The following PATJ variants were observed in gnomAD, a reference collection of about 807,000 sequenced individuals.
PATJ encodes the protein inaD-like protein.
In PATJ, 190 loss-of-function variants were observed where a neutral mutation model predicts 224.9. That is an observed-to-expected ratio of 0.84 (90% CI 0.75 to 0.95). PATJ has a LOEUF of 0.95. Among genes scored for constraint, PATJ ranks in the 40% least tolerant of loss-of-function variants. PATJ has a pLI of 0.00. For synonymous variants in PATJ, 769 were observed against 820.3 expected (o/e 0.94, Z 1.07); for missense variants, 2,121 against 2,270.3 (o/e 0.93, Z 1.34).
intron 16 of PATJ, among the ~76,000 whole-genome samples, chr1:61,828,572 C>T (rs1376034751): frequency 6.6e-6 from 1 of 151,516 alleles, no homozygotes; most frequent in Admixed American, 6.6e-5. Flanking sequence ...AAATTTTTTT[C>T]GTACAGTCAG....
chr1:61,978,132 T>C (rs956138974), intron 27 of PATJ, among the ~76,000 whole-genome samples: 1 of 151,936 alleles, frequency 6.6e-6, no homozygotes, highest in African/African-American at 2.4e-5. Context: ...TGTTTATGGT[T>C]GATGTTGTTC....
At chr1:61,917,313 C>T (rs546042285) in intron 26 of PATJ, among the ~76,000 whole-genome samples, 1 of 152,074 alleles carries the variant, frequency 6.6e-6, no homozygotes, top group African/African-American at 2.4e-5. Context: ...TCTTTCACTG[C>T]CATAGTTTTC....
At chr1:62,026,518 T>C (rs529427050) in intron 29 of PATJ, among the ~76,000 whole-genome samples, 4 of 151,140 alleles carry the variant, frequency 2.6e-5, no homozygotes, top group Non-Finnish European at 5.9e-5. Context: ...ACCTAAATGA[T>C]GTACCAGGCA....
chr1:61,766,258 C>T (rs56221834), intron 3 of PATJ, 21 bp from the exon 4 acceptor site: 1 of 1,252,950 alleles, frequency 8.0e-7, no homozygotes, highest in East Asian at 2.5e-5. Flanking sequence ...TCTGTTGATT[C>T]TTTTTTTTTC....
At chr1:61,991,182 AATG>A (rs71582656) in intron 28 of PATJ, among the ~76,000 whole-genome samples, 6,780 of 150,880 alleles carry the variant, frequency 0.045, 370 homozygotes, top group East Asian at 0.2. Flanking sequence ...TAAGAAATGC[AATG>A]ATGATGATGA....
intron 40 of PATJ, 32 bp downstream of exon 40, chr1:62,128,126 A>G (rs767550083): frequency 1.1e-5 from 17 of 1,613,360 alleles, no homozygotes; most frequent in Middle Eastern, 1.6e-4. Flanking sequence ...AAGACTAACA[A>G]TATGTGTTGG....
At chr1:62,016,499 A>T (rs1646776648) in intron 28 of PATJ, among the ~76,000 whole-genome samples, 1 of 152,230 alleles carries the variant, frequency 6.6e-6, no homozygotes. Context: ...TAGTATAGTT[A>T]TAGATCATTA....
At chr1:62,013,246 C>A in intron 28 of PATJ, 1 of 529,826 alleles carries the variant, frequency 1.9e-6, no homozygotes, top group Non-Finnish European at 2.4e-6. Context: ...GGAGGACCAC[C>A]ACTAAAGAAG....
At chr1:62,033,417 G>T (rs941784994) in intron 29 of PATJ, among the ~76,000 whole-genome samples, 1 of 152,200 alleles carries the variant, frequency 6.6e-6, no homozygotes, top group Non-Finnish European at 1.5e-5. Context: ...GGCAGCTCTA[G>T]AGATGTCAGC....
chr1:62,056,369 A>T (rs552656492), intron 31 of PATJ, among the ~76,000 whole-genome samples: 1 of 152,302 alleles, frequency 6.6e-6, no homozygotes, highest in African/African-American at 2.4e-5. Flanking sequence ...AATGTTAAAT[A>T]AATTGCCTTG....
Position 61,763,011 on chromosome 1 carries a change from A to G in PATJ, c.23-2A>G. On this transcript the variant is annotated splice_acceptor_variant, in intron 2 of 43. Coordinates refer to ENST00000642238, the MANE Select transcript of PATJ (RefSeq NM_001350145.3). LOFTEE classifies it high-confidence loss of function. ...TACTCTACTTATTCATCTTGACCCA[A>G]GATAAACTGCAGGTGCTGCAGGTAC... 6.2e-7 allele frequency: 1 copy of G among 1,606,960 alleles called. No homozygotes were observed. The highest frequency in any genetic ancestry group is 1.1e-5 in the South Asian group (1 of 89,590).
intron 27 of PATJ, among the ~76,000 whole-genome samples, chr1:61,978,227 C>T (rs12069119): frequency 0.025 from 2,922 of 119,038 alleles, 105 homozygotes; most frequent in African/African-American, 0.088. Flanking sequence ...CTTCCTTCCT[C>T]CCTCCCTCCC....
chr1:61,907,462 G>A (rs1314661089), intron 24 of PATJ, among the ~76,000 whole-genome samples: 1 of 152,164 alleles, frequency 6.6e-6, no homozygotes, highest in Non-Finnish European at 1.5e-5. Flanking sequence ...TTGTGCAGTA[G>A]GAATCATTTC....
intron 28 of PATJ, among the ~76,000 whole-genome samples, chr1:62,003,950 G>A (rs1336064792): frequency 3.3e-5 from 5 of 152,170 alleles, no homozygotes; most frequent in Non-Finnish European, 7.3e-5. Flanking sequence ...CCTACAGAGA[G>A]ACCTTGAGTT....
chr1:61,978,890 T>G (rs534604242), intron 27 of PATJ, among the ~76,000 whole-genome samples: 1 of 152,248 alleles, frequency 6.6e-6, no homozygotes, highest in Non-Finnish European at 1.5e-5. Flanking sequence ...ATTAAGTTTC[T>G]TTCTTGGGAG....
chr1:62,152,128 G>A (rs1668694548), intron 42 of PATJ, among the ~76,000 whole-genome samples: 1 of 152,184 alleles, frequency 6.6e-6, no homozygotes, highest in Admixed American at 6.5e-5. Context: ...GTACTGGGAA[G>A]TCTCAGATGA....
At chr1:62,019,114 G>A (rs1234267214) in intron 29 of PATJ, among the ~76,000 whole-genome samples, 1 of 151,590 alleles carries the variant, frequency 6.6e-6, no homozygotes, top group Non-Finnish European at 1.5e-5. Context: ...GTGTGATGGC[G>A]CACAACTCTA....
intron 6 of PATJ, among the ~76,000 whole-genome samples, chr1:61,772,768 C>T (rs1352815236): frequency 6.6e-6 from 1 of 152,164 alleles, no homozygotes; most frequent in African/African-American, 2.4e-5. Flanking sequence ...CTATTTCTCC[C>T]ATATCCTAGT....
chr1:62,106,079 T>TATATATACACACAC (rs1313613418), intron 33 of PATJ, among the ~76,000 whole-genome samples: 1 of 20,772 alleles, frequency 4.8e-5, no homozygotes, highest in Non-Finnish European at 9.1e-5. Context: ...TATATATATA[T>TATATATACACACAC]ACACACACAC....
Sources: allele counts gnomAD v4.1 joint callset (sites outside exome capture counted in the v4.1 genomes callset), GRCh38; gene constraint gnomAD v4.1.1; transcripts MANE v1.5; gene names NCBI Gene and HGNC (gene_info 2026-07-23, HGNC 2026-07-21).